CAST: variants seen among roughly 807,000 people sequenced by gnomAD.
The protein encoded by CAST is MIR583 host.
Under a neutral mutation model 119.6 loss-of-function variants are expected in CAST, and 76 were observed. The observed-to-expected ratio is 0.64, with a 90% CI of 0.53 to 0.77. The LOEUF (loss-of-function observed/expected upper bound fraction) is 0.77, where lower values mean the gene tolerates loss of function less well. Ranked by LOEUF, CAST falls within the 30% of genes least tolerant of loss-of-function variation. The pLI is 0.00. For synonymous variants in CAST, 319 were observed against 331.6 expected, an observed-to-expected ratio of 0.96 and a Z score of 0.41; for missense variants, 953 against 946.5, an observed-to-expected ratio of 1.01 and a Z score of -0.09.
intron 3 of CAST, among the ~76,000 whole-genome samples, chr5:96,706,402 G>T (rs540032123): frequency 6.6e-6 from 1 of 152,280 alleles, no homozygotes; most frequent in African/African-American, 2.4e-5. Context: ...AAAGAGCAAT[G>T]TAAAAAGTGT....
chr5:96,092,812 A>G, the CAST span, among the ~76,000 whole-genome samples: 2 of 152,232 alleles, frequency 1.3e-5, no homozygotes, highest in Non-Finnish European at 2.9e-5. Flanking sequence ...CAGCTTTAGA[A>G]TCATAGAAAG....
chr5:96,256,317 A>G, the CAST span, among the ~76,000 whole-genome samples: 1 of 147,930 alleles, frequency 6.8e-6, no homozygotes, highest in Non-Finnish European at 1.5e-5. Flanking sequence ...TATTTGTGTG[A>G]TATAAATATA....
the CAST span, among the ~76,000 whole-genome samples, chr5:96,355,258 C>T: frequency 1.3e-5 from 2 of 151,668 alleles, no homozygotes; most frequent in African/African-American, 4.8e-5. Context: ...TCAACTCCCA[C>T]TTGTGAGTGA....
intron 1 of CAST, among the ~76,000 whole-genome samples, chr5:96,675,174 A>G (rs1228534583): frequency 2.6e-5 from 4 of 152,230 alleles, no homozygotes; most frequent in Non-Finnish European, 5.9e-5. Context: ...ACTGAGCCTT[A>G]AGTATGGCTT....
the CAST span, among the ~76,000 whole-genome samples, chr5:96,452,042 G>C: frequency 1.3e-5 from 2 of 152,214 alleles, no homozygotes; most frequent in African/African-American, 4.8e-5. Flanking sequence ...CACTGTTGGT[G>C]GGAATGTAAA....
At chr5:96,663,286 G>A (rs1748835626) in intron 1 of CAST, 2 of 697,412 alleles carry the variant, frequency 2.9e-6, no homozygotes, top group Non-Finnish European at 5.2e-6. Flanking sequence ...GCGGGGAAGG[G>A]GTGCGGACCG....
chr5:96,091,107 G>T, the CAST span, among the ~76,000 whole-genome samples: 1 of 152,064 alleles, frequency 6.6e-6, no homozygotes, highest in Non-Finnish European at 1.5e-5. Context: ...TAGGGTTGGG[G>T]TGGAGGCTGC....
the CAST span, among the ~76,000 whole-genome samples, chr5:95,962,850 C>T: frequency 7.5e-3 from 1,136 of 152,184 alleles, 14 homozygotes; most frequent in African/African-American, 0.027. Flanking sequence ...TGTGTGAAAA[C>T]CTAGCTAGGG....
the CAST span, among the ~76,000 whole-genome samples, chr5:96,149,180 T>G: frequency 6.6e-6 from 1 of 152,220 alleles, no homozygotes; most frequent in African/African-American, 2.4e-5. Flanking sequence ...GAATGAGACT[T>G]GTCTGTGAGG....
At chr5:96,102,793 A>G in the CAST span, among the ~76,000 whole-genome samples, 6 of 151,000 alleles carry the variant, frequency 4.0e-5, no homozygotes, top group African/African-American at 1.5e-4. Context: ...TTCATTCAAC[A>G]TCTTATTGCC....
the CAST span, among the ~76,000 whole-genome samples, chr5:96,355,193 CT>C: frequency 1.5e-4 from 22 of 151,712 alleles, no homozygotes; most frequent in South Asian, 4.2e-4. Flanking sequence ...CCCCCACCCC[CT>C]GACAGGCCCC....
the CAST span, among the ~76,000 whole-genome samples, chr5:96,159,754 T>A: frequency 2.0e-5 from 3 of 152,236 alleles, no homozygotes; most frequent in Non-Finnish European, 4.4e-5. Context: ...TTATGTTTTA[T>A]TTTTATTTTT....
chr5:96,086,156 G>A, the CAST span, among the ~76,000 whole-genome samples: 1 of 151,906 alleles, frequency 6.6e-6, no homozygotes, highest in Non-Finnish European at 1.5e-5. Context: ...TTGTCATACT[G>A]TGTTTTTTAA....
the CAST span, among the ~76,000 whole-genome samples, chr5:96,177,958 C>T: frequency 6.6e-6 from 1 of 152,178 alleles, no homozygotes; most frequent in Non-Finnish European, 1.5e-5. Context: ...GCTAGAAATA[C>T]TCAATTGACA....
the CAST span, chr5:96,318,646 G>A: frequency 6.6e-6 from 1 of 152,188 alleles, no homozygotes; most frequent in African/African-American, 2.4e-5. Context: ...GAGATGGAAA[G>A]ACACTGCATC....
the CAST span, chr5:96,429,218 C>A: frequency 6.7e-7 from 1 of 1,486,248 alleles, no homozygotes; most frequent in Non-Finnish European, 9.4e-7. Flanking sequence ...CTTACACGAT[C>A]ATCATCAGAT....
At chr5:96,524,465 A>C (rs1161966748), upstream of CAST, among the ~76,000 whole-genome samples, 2 of 152,226 alleles carry the variant, frequency 1.3e-5, no homozygotes, top group Non-Finnish European at 2.9e-5. Flanking sequence ...GGGACTCAGC[A>C]TTCCAGCAGG....
the CAST span, among the ~76,000 whole-genome samples, chr5:96,140,703 T>C: frequency 3.3e-5 from 5 of 152,206 alleles, no homozygotes; most frequent in East Asian, 9.6e-4. Flanking sequence ...GGTAATGTAT[T>C]TACAGTGTAA....
intron 11 of CAST, among the ~76,000 whole-genome samples, chr5:96,738,709 GATC>G (rs1223070222): frequency 6.6e-6 from 1 of 152,104 alleles, no homozygotes; most frequent in Non-Finnish European, 1.5e-5. Context: ...GAGGCAGGCG[GATC>G]ATCTGAGGTC....
Sources: allele counts gnomAD v4.1 joint callset (sites outside exome capture counted in the v4.1 genomes callset), GRCh38; gene constraint gnomAD v4.1.1; transcripts MANE v1.5; gene names NCBI Gene and HGNC (gene_info 2026-07-23, HGNC 2026-07-21).